Variants in PDE10A observed in about 807,000 individuals in gnomAD.
The protein encoded by PDE10A is phosphodiesterase 10A.
A neutral mutation model predicts 97.7 loss-of-function variants in PDE10A; 39 were observed. The ratio of observed to expected loss-of-function variants is 0.40; its 90% confidence interval spans 0.31 to 0.52. PDE10A has a LOEUF of 0.52. Among genes scored for constraint, PDE10A ranks in the 20% least tolerant of loss-of-function variants. PDE10A has a pLI of 0.56. For synonymous variants in PDE10A, 371 were observed against 376.8 expected, an observed-to-expected ratio of 0.98 and a Z score of 0.18; for missense variants, 731 against 1,047.8, an observed-to-expected ratio of 0.70 and a Z score of 4.17.
At chr6:165,373,623 A>C (rs1342441260) in intron 18 of PDE10A, among the ~76,000 whole-genome samples, 1 of 152,140 alleles carries the variant, frequency 6.6e-6, no homozygotes, top group Admixed American at 6.5e-5. Flanking sequence ...ACACTTTTAC[A>C]CTGTTGGTGG....
intron 1 of PDE10A, chr6:165,948,205 C>T (rs1783841437): frequency 6.6e-6 from 1 of 151,626 alleles, no homozygotes; most frequent in African/African-American, 2.4e-5. Flanking sequence ...AAAGTAAGAC[C>T]AAAATAAGAC....
chr6:165,619,389 A>ATAGTACAGTCTAGTGTAGTC (rs1787944979), intron 1 of PDE10A, among the ~76,000 whole-genome samples: 1 of 3,064 alleles, frequency 3.3e-4, no homozygotes, highest in Non-Finnish European at 6.2e-4. Context: ...GTAGTCTAGT[A>ATAGTACAGTCTAGTGTAGTC]TAGTGTAGTG....
intron 1 of PDE10A, among the ~76,000 whole-genome samples, chr6:165,554,005 C>G (rs917588423): frequency 3.3e-5 from 5 of 152,082 alleles, no homozygotes; most frequent in Admixed American, 3.3e-4. Context: ...ATCTCTTTAG[C>G]ATAAATATAA....
chr6:165,374,939 T>C (rs1298629363), intron 18 of PDE10A, among the ~76,000 whole-genome samples: 2 of 152,166 alleles, frequency 1.3e-5, no homozygotes, highest in Admixed American at 6.5e-5. Flanking sequence ...TCAGTGATCT[T>C]TGATGTTACC....
At chr6:165,943,218 A>AAGGAAGGAAGGAAGGAAG (rs1562809665) in intron 1 of PDE10A, among the ~76,000 whole-genome samples, 6 of 76,460 alleles carry the variant, frequency 7.8e-5, no homozygotes, top group South Asian at 4.4e-4. Flanking sequence ...AAAGAAAGAA[A>AAGGAAGGAAGGAAGGAAG]GAAAGAAAGA....
At chr6:165,570,079 T>C (rs1184257237) in intron 1 of PDE10A, among the ~76,000 whole-genome samples, 4 of 152,152 alleles carry the variant, frequency 2.6e-5, no homozygotes, top group Non-Finnish European at 5.9e-5. Flanking sequence ...AGAATGTGAC[T>C]CTGTGTGGAG....
chr6:165,789,973 G>C (rs527633793), intron 1 of PDE10A, among the ~76,000 whole-genome samples: 1 of 152,302 alleles, frequency 6.6e-6, no homozygotes, highest in South Asian at 2.1e-4. Context: ...AAGAGAAAGA[G>C]AAAGGCCACA....
At chr6:165,946,527 G>A (rs78416659) in intron 1 of PDE10A, among the ~76,000 whole-genome samples, 7 of 151,008 alleles carry the variant, frequency 4.6e-5, no homozygotes, top group South Asian at 2.1e-4. Flanking sequence ...AAAGAAAAAG[G>A]AAAAAAGAAT....
intron 1 of PDE10A, among the ~76,000 whole-genome samples, chr6:165,930,504 T>A (rs946870145): frequency 1.3e-5 from 2 of 152,224 alleles, no homozygotes; most frequent in African/African-American, 2.4e-5. Flanking sequence ...GTTGTTTCCC[T>A]GCTGAATTCA....
chr6:165,776,749 C>T (rs1017435691), intron 1 of PDE10A, among the ~76,000 whole-genome samples: 5 of 152,172 alleles, frequency 3.3e-5, no homozygotes, highest in African/African-American at 1.2e-4. Context: ...AGGTCTGGTC[C>T]TTGACCCTTG....
At chr6:165,432,859 T>C (rs1253606125) in intron 7 of PDE10A, 115 bp downstream of exon 7, 4 of 732,368 alleles carry the variant, frequency 5.5e-6, no homozygotes, top group African/African-American at 5.3e-5. Flanking sequence ...CAAATTGTGA[T>C]TTTAAATATT....
intron 1 of PDE10A, among the ~76,000 whole-genome samples, chr6:165,737,601 C>G (rs1342103947): frequency 6.6e-6 from 1 of 152,158 alleles, no homozygotes; most frequent in African/African-American, 2.4e-5. Context: ...CCAACATCAG[C>G]AAATTCAACA....
intron 2 of PDE10A, among the ~76,000 whole-genome samples, chr6:165,512,812 G>A (rs1781575280): frequency 6.6e-6 from 1 of 151,870 alleles, no homozygotes; most frequent in Non-Finnish European, 1.5e-5. Flanking sequence ...AATGTATAAT[G>A]ATTACCATTT....
chr6:165,908,154 C>A (rs183383389), intron 1 of PDE10A, among the ~76,000 whole-genome samples: 56 of 152,286 alleles, frequency 3.7e-4, no homozygotes, highest in African/African-American at 1.3e-3. Context: ...ATAATCTTCA[C>A]AAAAATTATT....
chr6:165,689,189 C>T (rs1411432761), intron 1 of PDE10A, among the ~76,000 whole-genome samples: 1 of 152,152 alleles, frequency 6.6e-6, no homozygotes, highest in African/African-American at 2.4e-5. Flanking sequence ...GGTTAAGTCA[C>T]ATAACCGTTG....
chr6:165,567,058 A>G (rs1388874432), intron 1 of PDE10A, among the ~76,000 whole-genome samples: 1 of 152,254 alleles, frequency 6.6e-6, no homozygotes, highest in Non-Finnish European at 1.5e-5. Context: ...ATATCCGTCA[A>G]CATTAGAACA....
chr6:165,724,462 C>A (rs1308800773), intron 1 of PDE10A, among the ~76,000 whole-genome samples: 1 of 152,206 alleles, frequency 6.6e-6, no homozygotes, highest in African/African-American at 2.4e-5. Context: ...TAGCTGGATT[C>A]TCTGGAAAAG....
Position 165,662,003 on chromosome 6 carries a change from C to A in PDE10A, c.809G>T (p.Gly270Val). ...GAAGCAGCTCGCATTATTAGAAGGT[C>A]CATCTTCCATGTCGGAGCCGAAGAG... ...ALLFGSDMED[G>V]PSNNASCFRR... Residue 270 changes from glycine (G) to valine (V), a missense_variant, in exon 1 of 22, where the codon GGA (glycine) becomes GTA (valine). By Grantham distance (109) the Gly-to-Val change is moderately radical. Around this residue, in one of 8 missense-constraint regions of PDE10A, gnomAD observed 181 missense variants for 159.1 expected, o/e 1.14. Transcript: ENST00000539869. 6.8e-7 allele frequency: 1 copy of A among 1,464,614 alleles called. No homozygotes were observed. The highest frequency in any genetic ancestry group is 9.3e-7 in the Non-Finnish European group (1 of 1,076,558). 90.7% of individuals were successfully genotyped at this position (1,464,614 alleles called of 1,614,324 possible). A position where few individuals can be genotyped will look rare whatever the true frequency, so the allele number is the denominator to read the frequency against.
rs564182766 is a variant in PDE10A, at chr6:165,830,610, C to T, written c.-615+156919G>A. Among the ~76,000 whole-genome samples, 10 of 152,238 alleles carry T rather than the reference C, an allele frequency of 6.6e-5. No homozygotes were observed. The South Asian group carries it at 2.1e-3, about 32-fold the overall frequency. ...TTACCCACAAGACCAGACGCTGAAA[C>T]GCTGCATCTTAGGAAGTGGGACCAG... On this transcript the variant is annotated intron_variant, in intron 1 of 19. Transcript: ENST00000366882.
Sources: gnomAD v4.1 joint callset for allele counts (sites outside exome capture counted in the v4.1 genomes callset) on GRCh38, gnomAD v4.1.1 for gene constraint, gnomAD v4.1.1 regional missense constraint, MANE v1.5 for transcripts, NCBI Gene and HGNC (gene_info 2026-07-23, HGNC 2026-07-21) for gene names.